CCSER1: variants seen among roughly 807,000 people sequenced by gnomAD.
The protein encoded by CCSER1 is serine-rich coiled-coil domain-containing protein 1.
CCSER1 carries 41 observed loss-of-function variants against 82.0 expected under a neutral mutation model. That is an observed-to-expected ratio of 0.50 (90% CI 0.39 to 0.65). The LOEUF (loss-of-function observed/expected upper bound fraction) is 0.65. CCSER1 is among the 30% of genes least tolerant of loss of function. CCSER1 has a pLI of 0.00. For synonymous variants in CCSER1, 414 were observed against 383.9 expected (o/e 1.08, Z -0.92); for missense variants, 1,119 against 1,064.2 (o/e 1.05, Z -0.72).
chr4:91,026,851 G>A (rs891189524), intron 9 of CCSER1, among the ~76,000 whole-genome samples: 2 of 151,970 alleles, frequency 1.3e-5, no homozygotes, highest in African/African-American at 4.8e-5. Flanking sequence ...TAAAAGGTAT[G>A]GCTTATTAGG....
chr4:90,174,805 C>T (rs1252525203), intron 1 of CCSER1, among the ~76,000 whole-genome samples: 2 of 151,914 alleles, frequency 1.3e-5, no homozygotes, highest in African/African-American at 4.8e-5. Flanking sequence ...TACCTATTCC[C>T]ACAAGTGGCA....
In CCSER1 at chr4:91,163,628, A is replaced by T. The variant is rs532681551; in HGVS notation, c.2217+77634A>T. ...ATCTAGATGCTTCTGTGTTGGGTAC[A>T]TATATATTTAGGATAGTTAGCTCTT... is the stretch of plus-strand genomic sequence containing the variant. On this transcript the variant is annotated intron_variant, in intron 10 of 10. Coordinates refer to ENST00000509176, the MANE Select transcript of CCSER1 (RefSeq NM_001145065.2). Among the ~76,000 whole-genome samples the T allele has an allele frequency of 2.0e-5, 3 of 152,266 alleles. No homozygotes were observed. In the East Asian group the frequency reaches 5.8e-4, roughly 29 times the overall value.
intron 10 of CCSER1, among the ~76,000 whole-genome samples, chr4:91,308,930 T>C (rs1394273050): frequency 6.6e-6 from 1 of 151,976 alleles, no homozygotes; most frequent in Non-Finnish European, 1.5e-5. Flanking sequence ...TGGAAAACAA[T>C]TGAAATTATT....
intron 10 of CCSER1, among the ~76,000 whole-genome samples, chr4:91,449,330 T>C (rs1349266349): frequency 6.6e-6 from 1 of 151,950 alleles, no homozygotes; most frequent in Non-Finnish European, 1.5e-5. Flanking sequence ...AGAAAAGTGG[T>C]GGTAATTGAG....
intron 10 of CCSER1, among the ~76,000 whole-genome samples, chr4:91,543,613 A>G (rs1761725033): frequency 6.6e-6 from 1 of 152,148 alleles, no homozygotes; most frequent in Admixed American, 6.5e-5. Flanking sequence ...TTCTTTAAGA[A>G]TGTTGAATAT....
rs533120142 is a variant in CCSER1 at position 90,749,324 on chromosome 4, GT to G, written c.2010+25336del. Among the ~76,000 whole-genome samples the G allele has an allele frequency of 4.8e-3, 729 of 151,770 alleles. 8 individuals are homozygous for G. Among genetic ancestry groups the G allele is most frequent in the African/African-American group, 0.017 (691 of 41,342 alleles). ...TTTCCCCATTGCTTGTTTTTCTCAG[GT>G]TTGTCAAAGATCAGATAGTTGTAGA... On this transcript the variant is annotated intron_variant, in intron 7 of 10. Coordinates refer to ENST00000509176, the MANE Select transcript of CCSER1 (RefSeq NM_001145065.2).
chr4:90,428,359 G>A (rs1757818278), intron 4 of CCSER1, among the ~76,000 whole-genome samples: 1 of 151,732 alleles, frequency 6.6e-6, no homozygotes, highest in Non-Finnish European at 1.5e-5. Context: ...GAACTACTCA[G>A]GGTTGCCAAA....
rs148856314 is a variant in CCSER1 at position 90,547,797 on chromosome 4, T to A, written c.1724+79443T>A. Among the ~76,000 whole-genome samples, 317 of 152,290 alleles carry A rather than the reference T, an allele frequency of 2.1e-3. 1 individual carries two copies. The highest frequency in any genetic ancestry group is 7.4e-3 in the African/African-American group (309 of 41,576). The stretch of plus-strand genomic sequence containing the variant: ...GACATAAGATAATTTGGCTCTAATT[T>A]TTTTGTACCTTTACAAATTGACTTC... On this transcript the variant is annotated intron_variant, in intron 5 of 10. Coordinates refer to ENST00000509176, the MANE Select transcript of CCSER1 (RefSeq NM_001145065.2).
intron 10 of CCSER1, among the ~76,000 whole-genome samples, chr4:91,309,186 A>T (rs2149250524): frequency 6.6e-6 from 1 of 152,132 alleles, no homozygotes; most frequent in African/African-American, 2.4e-5. Context: ...CTCTATTCTA[A>T]TTTTACAACC....
chr4:91,443,972 A>G (rs138683646), intron 10 of CCSER1, among the ~76,000 whole-genome samples: 47 of 152,116 alleles, frequency 3.1e-4, no homozygotes, highest in Admixed American at 1.8e-3. Flanking sequence ...CTGAAATTAT[A>G]TGTCCTGGCT....
At chr4:90,470,356 C>A (rs901004846) in intron 5 of CCSER1, among the ~76,000 whole-genome samples, 86 of 152,216 alleles carry the variant, frequency 5.6e-4, no homozygotes, top group African/African-American at 2.0e-3. Context: ...ATACCCAACA[C>A]TGTTATTTTG....
chr4:91,247,870 A>G (rs1314529023), intron 10 of CCSER1, among the ~76,000 whole-genome samples: 1 of 152,248 alleles, frequency 6.6e-6, no homozygotes, highest in Admixed American at 6.5e-5. Flanking sequence ...TCTGTCTCAA[A>G]AAAAACAACA....
chr4:90,924,609 A>G (rs1728816043), intron 9 of CCSER1, among the ~76,000 whole-genome samples: 1 of 152,166 alleles, frequency 6.6e-6, no homozygotes. Context: ...GTTGACATCT[A>G]TTTTTAAAAA....
intron 10 of CCSER1, among the ~76,000 whole-genome samples, chr4:91,503,341 CAAAAAAAA>C (rs530250350): frequency 2.5e-5 from 2 of 79,610 alleles, no homozygotes; most frequent in Middle Eastern, 7.5e-3. Context: ...TACTCCATCT[CAAAAAAAA>C]AAAAAAGAAA....
intron 1 of CCSER1, among the ~76,000 whole-genome samples, chr4:90,145,929 CAAAT>C (rs1481072311): frequency 1.3e-5 from 2 of 151,906 alleles, no homozygotes; most frequent in Non-Finnish European, 2.9e-5. Context: ...GTGACATTGA[CAAAT>C]AAACAGCTGA....
intron 1 of CCSER1, among the ~76,000 whole-genome samples, chr4:90,229,235 C>T (rs147582783): frequency 0.012 from 1,892 of 152,120 alleles, 27 homozygotes; most frequent in African/African-American, 0.036. Context: ...GTCGGGTTAC[C>T]CACAAAGGGA....
chr4:90,613,256 C>T (rs959622823), intron 5 of CCSER1, among the ~76,000 whole-genome samples: 6 of 152,140 alleles, frequency 3.9e-5, no homozygotes, highest in African/African-American at 1.2e-4. Context: ...GCACTCAAGT[C>T]AGGCAAAAGA....
At chr4:91,128,589 A>T (rs921060553) in intron 10 of CCSER1, among the ~76,000 whole-genome samples, 22 of 152,076 alleles carry the variant, frequency 1.4e-4, no homozygotes, top group African/African-American at 4.1e-4. Flanking sequence ...GGAAATTATG[A>T]TTGTTCCTAA....
Position 90,453,225 on chromosome 4 carries a change from T to C in CCSER1, c.1604-15009T>C, listed in dbSNP as rs74933038. 2.2e-3 allele frequency among the ~76,000 whole-genome samples: 342 copies of C among 152,268 alleles called. 2 individuals are homozygous for C. The highest frequency in any genetic ancestry group is 4.0e-3 in the Non-Finnish European group (269 of 68,012). Reference sequence around the variant, plus strand: ...GTGTAGGAAGGAAAAAGGAATCTTTTAGATCCAGGACTGTGAACCATTTAG... The same window carrying C: ...GTGTAGGAAGGAAAAAGGAATCTTTCAGATCCAGGACTGTGAACCATTTAG... On this transcript the variant is annotated intron_variant, in intron 4 of 10. Coordinates refer to ENST00000509176, the MANE Select transcript of CCSER1 (RefSeq NM_001145065.2).
Sources: gnomAD v4.1 joint callset for allele counts (sites outside exome capture counted in the v4.1 genomes callset) on GRCh38, gnomAD v4.1.1 for gene constraint, MANE v1.5 for transcripts, NCBI Gene and HGNC (gene_info 2026-07-23, HGNC 2026-07-21) for gene names.